BANK1: variants seen among roughly 807,000 people sequenced by gnomAD.
BANK1 encodes the protein B-cell scaffold protein with ankyrin repeats.
A neutral mutation model predicts 94.5 loss-of-function variants in BANK1; 95 were observed. The ratio of observed to expected loss-of-function variants is 1.00; its 90% CI spans 0.85 to 1.19. BANK1 has a LOEUF of 1.19. Ranked by LOEUF, BANK1 falls within the 50% of genes most tolerant of loss-of-function variation. BANK1 has a pLI of 0.00. For missense variants in BANK1, 987 were observed against 932.2 expected (o/e 1.06, Z -0.77); for synonymous variants, 334 against 308.4 (o/e 1.08, Z -0.87).
intron 7 of BANK1, among the ~76,000 whole-genome samples, chr4:101,984,012 G>T (rs1411733873): frequency 6.6e-6 from 1 of 151,992 alleles, no homozygotes; most frequent in Non-Finnish European, 1.5e-5. Flanking sequence ...TGTTTACATA[G>T]ATAAGAGAGG....
Position 102,025,201 on chromosome 4 carries a change from C to A in BANK1, c.1286C>A (p.Ser429Tyr). The A allele has an allele frequency of 2.5e-6, 4 of 1,612,710 alleles. No individual in the cohort carries two copies. The highest frequency in any genetic ancestry group is 2.7e-5 in the African/African-American group (2 of 74,968). ...ATCATGCAATCTTCATCATAAACAG[C>A]CACACAGAACCCAGCATTTCATCAT... ...DIASFSTYIP[S>Y]TQNPAFHHES... The change falls in exon 9 of 17, where the codon TCC becomes TAC. Residue 429 changes from serine (S) to tyrosine (Y), a missense_variant and splice_region_variant. Ser to Tyr is a moderately radical substitution (Grantham distance 144). Coordinates refer to ENST00000322953, the MANE Select transcript of BANK1 (RefSeq NM_017935.5).
chr4:101,850,266 T>G (rs13148076), intron 2 of BANK1, among the ~76,000 whole-genome samples: 68,705 of 150,994 alleles, frequency 0.46, 16,066 homozygotes, highest in African/African-American at 0.54. Flanking sequence ...TGTTTGTTTG[T>G]TTGGTTGGTT....
chr4:101,965,894 C>T (rs1158435360), intron 7 of BANK1, among the ~76,000 whole-genome samples: 1 of 152,044 alleles, frequency 6.6e-6, no homozygotes. Flanking sequence ...TGAACTAATT[C>T]ATAGCCTTAT....
At chr4:102,007,137 A>ATATAT (rs1560682236) in intron 7 of BANK1, among the ~76,000 whole-genome samples, 1 of 28,632 alleles carries the variant, frequency 3.5e-5, no homozygotes, top group African/African-American at 1.3e-4. Context: ...TATATATAAA[A>ATATAT]AATATATTTT....
chr4:101,803,389 G>A (rs887370488), intron 1 of BANK1, among the ~76,000 whole-genome samples: 16 of 152,088 alleles, frequency 1.1e-4, no homozygotes, highest in Non-Finnish European at 1.5e-5. Flanking sequence ...GAGTAGTGGG[G>A]CACACACAAT....
rs1441837978 is a variant in BANK1, at chr4:101,986,945, T to C, written c.1207-34569T>C. Among the ~76,000 whole-genome samples, 5 of 112,450 alleles carry C rather than the reference T, an allele frequency of 4.4e-5. 1 individual carries two copies. The highest frequency in any genetic ancestry group is 8.5e-5 in the Non-Finnish European group (5 of 58,524). 73.8% of individuals were successfully genotyped at this position (112,450 alleles called of 152,430 possible). ...TATATATATATAGTAGGCTTGCCAG[T>C]AAATATATTTTTTAAGTTAAGTAAC... On this transcript the variant is annotated intron_variant, in intron 7 of 16. Transcript: ENST00000322953.
At chr4:101,847,257 T>G (rs1350183633) in intron 2 of BANK1, among the ~76,000 whole-genome samples, 1 of 151,940 alleles carries the variant, frequency 6.6e-6, no homozygotes, top group East Asian at 1.9e-4. Flanking sequence ...TGAGTTAATA[T>G]ATGCAAGGCA....
chr4:101,837,451 G>T (rs920078037), intron 2 of BANK1, among the ~76,000 whole-genome samples: 4 of 152,206 alleles, frequency 2.6e-5, no homozygotes, highest in Middle Eastern at 3.4e-3. Flanking sequence ...TTGAGTTCAG[G>T]TATCTGATAC....
intron 7 of BANK1, among the ~76,000 whole-genome samples, chr4:101,975,403 A>G (rs746038967): frequency 6.6e-6 from 1 of 152,158 alleles, no homozygotes; most frequent in Non-Finnish European, 1.5e-5. Context: ...ACTGCTTTTT[A>G]TATTTCCTCT....
intron 2 of BANK1, among the ~76,000 whole-genome samples, chr4:101,854,253 A>G (rs926907729): frequency 5.3e-5 from 8 of 152,142 alleles, no homozygotes; most frequent in Non-Finnish European, 1.2e-4. Context: ...CCATAGTGAA[A>G]CATTTTGGGC....
intron 4 of BANK1, among the ~76,000 whole-genome samples, chr4:101,868,062 T>TA (rs920422762): frequency 9.9e-5 from 15 of 152,048 alleles, no homozygotes; most frequent in African/African-American, 3.6e-4. Flanking sequence ...ATGTTGTCTA[T>TA]AAAAAACTCA....
chr4:101,817,636 C>A (rs888650189), intron 1 of BANK1, among the ~76,000 whole-genome samples: 1 of 152,208 alleles, frequency 6.6e-6, no homozygotes, highest in East Asian at 1.9e-4. Flanking sequence ...TCATGGCACA[C>A]GTTTACCTAT....
At chr4:101,841,757 C>A (rs922537935) in intron 2 of BANK1, among the ~76,000 whole-genome samples, 1 of 146,672 alleles carries the variant, frequency 6.8e-6, no homozygotes, top group Non-Finnish European at 1.5e-5. Flanking sequence ...GTATATCTCC[C>A]AATGCTATCC....
intron 7 of BANK1, among the ~76,000 whole-genome samples, chr4:101,993,223 A>G (rs1350391964): frequency 1.3e-5 from 2 of 152,182 alleles, no homozygotes; most frequent in Non-Finnish European, 2.9e-5. Context: ...TTTTGAAAGA[A>G]ATGGGAAGTA....
intron 7 of BANK1, among the ~76,000 whole-genome samples, chr4:102,020,901 A>G (rs59859836): frequency 0.012 from 1,772 of 152,228 alleles, 30 homozygotes; most frequent in East Asian, 0.06. Flanking sequence ...CACAACTGTA[A>G]ACTCCATGTC....
chr4:101,800,034 G>A (rs1257665035), intron 1 of BANK1, among the ~76,000 whole-genome samples: 2 of 149,898 alleles, frequency 1.3e-5, no homozygotes, highest in African/African-American at 2.5e-5. Flanking sequence ...CACAAGGACA[G>A]AAAACTAAAC....
At chr4:102,062,877 C>T in intron 12 of BANK1, 198 bp from the exon 13 acceptor site, 3 of 524,968 alleles carry the variant, frequency 5.7e-6, no homozygotes, top group Non-Finnish European at 1.0e-5. Flanking sequence ...GGAATGACGA[C>T]ATTTTACATC....
intron 7 of BANK1, among the ~76,000 whole-genome samples, chr4:101,983,364 G>C (rs1274730522): frequency 6.6e-6 from 1 of 152,012 alleles, no homozygotes; most frequent in Non-Finnish European, 1.5e-5. Context: ...ATACTACCTG[G>C]ACTTGAATCT....
chr4:102,018,942 CG>C (rs1726805554), intron 7 of BANK1, among the ~76,000 whole-genome samples: 1 of 151,726 alleles, frequency 6.6e-6, no homozygotes, highest in South Asian at 2.1e-4. Flanking sequence ...CTCAGCCTCC[CG>C]AGTAGCTGGG....
Sources: gnomAD v4.1 joint callset for allele counts (sites outside exome capture counted in the v4.1 genomes callset) on GRCh38, gnomAD v4.1.1 for gene constraint, MANE v1.5 for transcripts, NCBI Gene and HGNC (gene_info 2026-07-23, HGNC 2026-07-21) for gene names.